TENM3: variants seen among roughly 807,000 people sequenced by gnomAD.
TENM3 encodes teneurin transmembrane protein 3.
In TENM3, 63 loss-of-function variants were observed where a neutral mutation model predicts 255.1. The observed-to-expected ratio is 0.25, with a 90% CI of 0.20 to 0.30. The LOEUF (loss-of-function observed/expected upper bound fraction) is 0.30. Among genes scored for constraint, TENM3 ranks in the 10% least tolerant of loss-of-function variants. The pLI is 1.00. For missense variants in TENM3, 2,929 were observed against 3,461.1 expected (o/e 0.85, Z 3.86); for synonymous variants, 1,306 against 1,322.3 (o/e 0.99, Z 0.27).
At chr4:182,448,392 G>C (rs1033420054) in intron 3 of TENM3, among the ~76,000 whole-genome samples, 1 of 151,944 alleles carries the variant, frequency 6.6e-6, no homozygotes, top group Non-Finnish European at 1.5e-5. Context: ...CCGCCCCCGA[G>C]GTACCGCCGG....
Position 182,681,977 on chromosome 4 carries a change from G to C in TENM3, c.1998G>C (p.Thr666=). Residue 666 remains threonine (T), a synonymous_variant, in exon 11 of 28, where the codon ACG becomes ACC. Coordinates refer to ENST00000511685, the MANE Select transcript of TENM3 (RefSeq NM_001080477.4). ...ATCTTCAAGAAAGTGGCTCCTGCAC[G>C]TGTGACCCTAACTGGACTGGCCCAG... is the stretch of plus-strand genomic sequence containing the variant. ...GTYLQESGSC[T]CDPNWTGPDC... is the part of the protein sequence containing the mutation. 1.2e-6 allele frequency: 2 copies of C among 1,613,930 alleles called. No individual in the cohort carries two copies. The highest frequency in any genetic ancestry group is 1.7e-6 in the Non-Finnish European group (2 of 1,179,874).
chr4:182,540,594 A>T (rs1460525671), intron 3 of TENM3, among the ~76,000 whole-genome samples: 9 of 152,176 alleles, frequency 5.9e-5, no homozygotes, highest in Non-Finnish European at 7.3e-5. Context: ...CAAAAAAAAA[A>T]AATTTTTCAC....
chr4:181,799,650 C>A, the TENM3 span, among the ~76,000 whole-genome samples: 1 of 152,158 alleles, frequency 6.6e-6, no homozygotes, highest in Admixed American at 6.5e-5. Flanking sequence ...TTCAAAACTG[C>A]AAAGGAACAG....
the TENM3 span, among the ~76,000 whole-genome samples, chr4:181,483,423 C>A: frequency 6.6e-6 from 1 of 151,982 alleles, no homozygotes; most frequent in Non-Finnish European, 1.5e-5. Flanking sequence ...GGATTAAATC[C>A]GTAGCTTTAA....
the TENM3 span, among the ~76,000 whole-genome samples, chr4:181,719,452 G>A: frequency 1.3e-5 from 2 of 152,044 alleles, no homozygotes; most frequent in African/African-American, 4.8e-5. Flanking sequence ...TGGGAAGTCC[G>A]AGATCAAAAC....
chr4:181,487,878 C>A, the TENM3 span, among the ~76,000 whole-genome samples: 1 of 152,064 alleles, frequency 6.6e-6, no homozygotes, highest in African/African-American at 2.4e-5. Context: ...GCAGGACCTG[C>A]CTCTGGGCAA....
the TENM3 span, among the ~76,000 whole-genome samples, chr4:181,831,182 TC>T: frequency 1.8e-4 from 27 of 152,198 alleles, no homozygotes; most frequent in Non-Finnish European, 2.9e-4. Context: ...ATTCTTTAAT[TC>T]TTATCCTTCA....
chr4:181,775,090 C>T, the TENM3 span, among the ~76,000 whole-genome samples: 1 of 152,132 alleles, frequency 6.6e-6, no homozygotes, highest in African/African-American at 2.4e-5. Flanking sequence ...TCAGTTCATC[C>T]TTCCTCTGGA....
chr4:182,140,014 A>C (rs573352548), upstream of TENM3, among the ~76,000 whole-genome samples: 1 of 152,246 alleles, frequency 6.6e-6, no homozygotes, highest in South Asian at 2.1e-4. Context: ...ATTGAATTTT[A>C]TGACTTTGTC....
At chr4:182,037,672 T>G in the TENM3 span, among the ~76,000 whole-genome samples, 3 of 152,178 alleles carry the variant, frequency 2.0e-5, no homozygotes, top group African/African-American at 4.8e-5. Context: ...AAATGTTGTT[T>G]TCATACATTT....
At chr4:182,589,446 A>AT (rs367629189) in intron 3 of TENM3, among the ~76,000 whole-genome samples, 14,279 of 129,348 alleles carry the variant, frequency 0.11, 977 homozygotes, top group East Asian at 0.2. Context: ...TAGGTTTTTA[A>AT]TTTTTTTTTT....
chr4:181,875,343 A>G, the TENM3 span, among the ~76,000 whole-genome samples: 1 of 152,024 alleles, frequency 6.6e-6, no homozygotes, highest in African/African-American at 2.4e-5. Context: ...GTCCAAATTT[A>G]CCTTCATTAT....
chr4:182,752,139 T>TAAC, intron 20 of TENM3, 107 bp downstream of exon 20: 52 of 743,968 alleles, frequency 7.0e-5, no homozygotes, highest in Non-Finnish European at 9.4e-5. Flanking sequence ...TGAGTCTAAC[T>TAAC]TTTTACCTTT....
chr4:182,114,643 T>C, the TENM3 span, among the ~76,000 whole-genome samples: 1 of 152,134 alleles, frequency 6.6e-6, no homozygotes, highest in African/African-American at 2.4e-5. Context: ...CATCTTCTGT[T>C]AAGGAAAATT....
intron 3 of TENM3, among the ~76,000 whole-genome samples, chr4:182,445,989 T>C (rs1173816387): frequency 6.6e-6 from 1 of 152,234 alleles, no homozygotes; most frequent in Non-Finnish European, 1.5e-5. Flanking sequence ...GTGGAACTCT[T>C]TGGTGGACTC....
At chr4:181,690,092 A>G in the TENM3 span, among the ~76,000 whole-genome samples, 12 of 152,152 alleles carry the variant, frequency 7.9e-5, no homozygotes, top group Non-Finnish European at 1.5e-4. Context: ...AACAGAGTCT[A>G]GTTGATGGGG....
chr4:182,550,135 G>A (rs1014841614), intron 3 of TENM3, among the ~76,000 whole-genome samples: 2 of 152,256 alleles, frequency 1.3e-5, no homozygotes, highest in South Asian at 2.1e-4. Flanking sequence ...TATGTGGAAA[G>A]TTTACGTTTA....
intron 2 of TENM3, among the ~76,000 whole-genome samples, chr4:182,344,127 A>G (rs1188853396): frequency 2.0e-5 from 3 of 152,058 alleles, no homozygotes; most frequent in African/African-American, 7.2e-5. Flanking sequence ...AGTCACATTT[A>G]CATAAACCAT....
chr4:182,663,492 A>G (rs913542746), intron 6 of TENM3, among the ~76,000 whole-genome samples: 4 of 152,232 alleles, frequency 2.6e-5, no homozygotes, highest in African/African-American at 9.6e-5. Context: ...CATTTTGATA[A>G]TATGAAACAT....
Sources: allele counts gnomAD v4.1 joint callset (sites outside exome capture counted in the v4.1 genomes callset), GRCh38; gene constraint gnomAD v4.1.1; transcripts MANE v1.5; gene names NCBI Gene and HGNC (gene_info 2026-07-23, HGNC 2026-07-21).